AP1G1: variants seen among roughly 807,000 people sequenced by gnomAD.
AP1G1 encodes the protein adaptor related protein complex 1 subunit gamma 1.
AP1G1 carries 7 observed loss-of-function variants against 108.3 expected under a neutral mutation model. That is an observed-to-expected ratio of 0.06 (90% CI 0.04 to 0.12). The LOEUF (loss-of-function observed/expected upper bound fraction) is 0.12. AP1G1 is among the 10% of genes least tolerant of loss of function. The pLI is 1.00. For synonymous variants in AP1G1, 379 were observed against 353.5 expected (o/e 1.07, Z -0.81); for missense variants, 756 against 1,010.7 (o/e 0.75, Z 3.42).
chr16:71,755,844 C>T (rs769545397), intron 12 of AP1G1, 175 bp downstream of exon 12: 21 of 635,492 alleles, frequency 3.3e-5, no homozygotes, highest in Non-Finnish European at 5.3e-5. Context: ...CAGGGTTTCA[C>T]TATGTTGGCC....
chr16:71,736,113 A>AT (rs1459616687), intron 21 of AP1G1, among the ~76,000 whole-genome samples: 74 of 75,650 alleles, frequency 9.8e-4, no homozygotes, highest in African/African-American at 4.2e-3. Context: ...AAAAAAAAAA[A>AT]AAAAATATAT....
chr16:71,789,005 C>A (rs1373542307), intron 2 of AP1G1, among the ~76,000 whole-genome samples: 1 of 152,154 alleles, frequency 6.6e-6, no homozygotes, highest in Non-Finnish European at 1.5e-5. Flanking sequence ...TCTGGCAGAA[C>A]CACCACATAA....
At chr16:71,774,381 GC>G (rs1467701874) in intron 3 of AP1G1, 86 bp downstream of exon 3, 11 of 1,464,080 alleles carry the variant, frequency 7.5e-6, no homozygotes, top group African/African-American at 1.4e-5. Flanking sequence ...TCCAGCCTGG[GC>G]AAAAGAGCAA....
intron 11 of AP1G1, among the ~76,000 whole-genome samples, chr16:71,757,448 CAA>C (rs1161916975): frequency 7.1e-5 from 7 of 99,006 alleles, no homozygotes; most frequent in Admixed American, 1.1e-4. Context: ...ACTCCGTCTC[CAA>C]AAAAAAAAAA....
intron 15 of AP1G1, 72 bp downstream of exon 15, chr16:71,749,822 C>T: frequency 7.8e-7 from 1 of 1,275,878 alleles, no homozygotes; most frequent in Admixed American, 1.7e-5. Flanking sequence ...ACCTCAACTC[C>T]CCATTAAACA....
intron 2 of AP1G1, 41 bp from the exon 3 acceptor site, chr16:71,774,633 G>C: frequency 1.3e-6 from 2 of 1,539,442 alleles, no homozygotes; most frequent in South Asian, 1.3e-5. Flanking sequence ...ATTAAAACTT[G>C]CTACCACAAT....
chr16:71,786,524 G>A (rs984338431), intron 2 of AP1G1, among the ~76,000 whole-genome samples: 2 of 151,994 alleles, frequency 1.3e-5, no homozygotes, highest in Non-Finnish European at 2.9e-5. Flanking sequence ...ACAGTGGCAC[G>A]ATCTCAGCTC....
At chr16:71,799,230 G>A (rs1011399545) in intron 1 of AP1G1, among the ~76,000 whole-genome samples, 3 of 152,154 alleles carry the variant, frequency 2.0e-5, no homozygotes, top group Non-Finnish European at 4.4e-5. Flanking sequence ...AACCTATTTA[G>A]AGAGTAATCT....
chr16:71,793,190 CAAAACAAAT>C (rs1462217213), intron 1 of AP1G1, among the ~76,000 whole-genome samples: 1 of 152,092 alleles, frequency 6.6e-6, no homozygotes, highest in African/African-American at 2.4e-5. Flanking sequence ...AGCAAACAAA[CAAAACAAAT>C]AACAATAATA....
chr16:71,762,774 T>G (rs1441108922), intron 9 of AP1G1, among the ~76,000 whole-genome samples: 3 of 152,172 alleles, frequency 2.0e-5, no homozygotes, highest in Non-Finnish European at 4.4e-5. Context: ...ATAAGTAAAG[T>G]GTTTTCCTGA....
Position 71,750,267 on chromosome 16 carries a change from C to T in AP1G1, c.1350G>A (p.Glu450=), listed in dbSNP as rs1567644789. The T allele has an allele frequency of 6.2e-7, 1 of 1,614,076 alleles. No homozygotes were observed. The highest frequency in any genetic ancestry group is 8.5e-7 in the Non-Finnish European group (1 of 1,179,958). Residue 450 remains glutamate, a synonymous_variant, in exon 14 of 23, where the codon GAG becomes GAA. Transcript: ENST00000299980. ...NLIQLITNSV[E]MHAYTVQRLY... is the part of the protein sequence containing the mutation. The stretch of plus-strand genomic sequence containing the variant: ...GGCGCTGGACAGTATAGGCATGCAT[C>T]TCCACACTATTAGTTATTAACTGGA...
At chr16:71,733,180 T>C in intron 22 of AP1G1, 21 bp from the exon 23 acceptor site, 2 of 1,571,774 alleles carry the variant, frequency 1.3e-6, no homozygotes, top group Non-Finnish European at 1.8e-6. Context: ...AAAAGAGAAG[T>C]GCAAATTATA....
chr16:71,744,552 A>G (rs1262026786), intron 19 of AP1G1, among the ~76,000 whole-genome samples: 1 of 145,754 alleles, frequency 6.9e-6, no homozygotes, highest in African/African-American at 2.5e-5. Context: ...ATATTTTTTG[A>G]GCTTGAAAGA....
intron 9 of AP1G1, among the ~76,000 whole-genome samples, chr16:71,763,338 G>C (rs1167837789): frequency 6.6e-6 from 1 of 152,166 alleles, no homozygotes; most frequent in Non-Finnish European, 1.5e-5. Context: ...AAAGTAGAAT[G>C]GTGGTTGCCA....
intron 16 of AP1G1, chr16:71,747,046 CTT>C (rs1281833467): frequency 6.4e-6 from 1 of 155,798 alleles, no homozygotes; most frequent in African/African-American, 2.4e-5. Flanking sequence ...TCATTCTCTT[CTT>C]TGATAATTTT....
At chr16:71,762,123 T>A (rs998342279) in intron 9 of AP1G1, among the ~76,000 whole-genome samples, 12 of 152,130 alleles carry the variant, frequency 7.9e-5, no homozygotes, top group African/African-American at 2.9e-4. Flanking sequence ...ACTCCGTTAA[T>A]AGCAAATTTG....
chr16:71,768,285 G>A (rs1044080753), intron 6 of AP1G1, among the ~76,000 whole-genome samples: 1 of 149,074 alleles, frequency 6.7e-6, no homozygotes, highest in Non-Finnish European at 1.5e-5. Flanking sequence ...ATCACCTGAG[G>A]TCAAGAGTTC....
chr16:71,777,366 G>C (rs1034730396), intron 2 of AP1G1, among the ~76,000 whole-genome samples: 22 of 151,950 alleles, frequency 1.4e-4, no homozygotes, highest in African/African-American at 4.6e-4. Flanking sequence ...AGCAACTGGG[G>C]GCCAGCTGGG....
At chr16:71,794,282 A>G (rs956965485) in intron 1 of AP1G1, among the ~76,000 whole-genome samples, 10 of 152,128 alleles carry the variant, frequency 6.6e-5, no homozygotes, top group African/African-American at 2.4e-4. Context: ...AACCACTTAC[A>G]TTTAGTATTT....
Sources: gnomAD v4.1 joint callset for allele counts (sites outside exome capture counted in the v4.1 genomes callset) on GRCh38, gnomAD v4.1.1 for gene constraint, MANE v1.5 for transcripts, NCBI Gene and HGNC (gene_info 2026-07-23, HGNC 2026-07-21) for gene names.